Variants in PCSK6 observed in about 807,000 individuals in gnomAD.
The protein encoded by PCSK6 is proprotein convertase subtilisin/kexin type 6.
Under a neutral mutation model 123.3 loss-of-function variants are expected in PCSK6, and 85 were observed. That is an observed-to-expected ratio of 0.69 (90% confidence interval 0.58 to 0.83). The LOEUF (loss-of-function observed/expected upper bound fraction) is 0.83. Ranked by LOEUF, PCSK6 falls within the 40% of genes least tolerant of loss-of-function variation. The probability of loss-of-function intolerance (pLI) is 0.00; values close to 1 mark genes in which losing one functional copy is unlikely to be tolerated. For missense variants in PCSK6, 1,191 were observed against 1,282.3 expected, an observed-to-expected ratio of 0.93 and a Z score of 1.09; for synonymous variants, 508 against 516.0, an observed-to-expected ratio of 0.98 and a Z score of 0.21.
chr15:101,408,769 G>A (rs976432413), intron 6 of PCSK6, among the ~76,000 whole-genome samples: 28 of 152,146 alleles, frequency 1.8e-4, no homozygotes, highest in Admixed American at 1.4e-3. Context: ...ATGCTCACAG[G>A]CCTAAACTGC....
At chr15:101,339,537 A>G (rs1027308376) in intron 13 of PCSK6, among the ~76,000 whole-genome samples, 17 of 152,144 alleles carry the variant, frequency 1.1e-4, no homozygotes, top group Non-Finnish European at 1.9e-4. Flanking sequence ...CATACTGAAT[A>G]CTCCTATAAT....
At chr15:101,483,754 G>A (rs2057949219) in intron 1 of PCSK6, among the ~76,000 whole-genome samples, 1 of 152,266 alleles carries the variant, frequency 6.6e-6, no homozygotes, top group Non-Finnish European at 1.5e-5. Flanking sequence ...GAAGGGAAGG[G>A]TTCCTGGGCT....
intron 1 of PCSK6, among the ~76,000 whole-genome samples, chr15:101,453,355 T>C (rs895178591): frequency 3.3e-5 from 5 of 152,210 alleles, no homozygotes; most frequent in Non-Finnish European, 7.4e-5. Flanking sequence ...AGGCTGCCCC[T>C]GTGCAGCTGA....
chr15:101,350,261 T>C (rs922989591), intron 13 of PCSK6, among the ~76,000 whole-genome samples: 1 of 152,184 alleles, frequency 6.6e-6, no homozygotes, highest in Admixed American at 6.5e-5. Flanking sequence ...TGTTTACTGG[T>C]TATTTGTATG....
chr15:101,457,368 G>A (rs2057213360), intron 1 of PCSK6, among the ~76,000 whole-genome samples: 1 of 152,108 alleles, frequency 6.6e-6, no homozygotes, highest in Non-Finnish European at 1.5e-5. Context: ...GCATTTCCTT[G>A]CCCAAGGTTT....
intron 6 of PCSK6, among the ~76,000 whole-genome samples, chr15:101,411,193 G>T (rs1212972350): frequency 6.6e-6 from 1 of 152,202 alleles, no homozygotes; most frequent in Admixed American, 6.5e-5. Flanking sequence ...GGACTTCTGA[G>T]TGGGGAACAA....
At position 101,384,309 on chromosome 15, in the gene PCSK6, G is replaced by A. The variant is rs200313361; in HGVS notation, c.1414+13C>T. 198 of 1,612,040 alleles carry A rather than the reference G, an allele frequency of 1.2e-4. No individual in the cohort carries two copies. Among genetic ancestry groups the A allele is most frequent in the Non-Finnish European group, 1.5e-4 (179 of 1,178,694 alleles). On this transcript the variant is annotated intron_variant, in intron 10 of 21. Coordinates refer to ENST00000611716, the MANE Select transcript of PCSK6 (RefSeq NM_002570.5). ...GGGCCACCCAATGGTCCACCAGAAC[G>A]CCACTGCCGCACCTTTATGACCCGC...
rs989469324 is a variant in PCSK6 at position 101,319,403 on chromosome 15, G to GA, written c.2466-982dup. Among the ~76,000 whole-genome samples, 265 of 145,954 alleles carry GA rather than the reference G, an allele frequency of 1.8e-3. 1 individual carries two copies. The highest frequency in any genetic ancestry group is 6.2e-3 in the African/African-American group (246 of 39,810). ...AATAAGAAATATGTGAAGAGAAAAA[G>GA]AAAAAAAAAAGGAAATATATGTTCG... On this transcript the variant is annotated intron_variant, in intron 18 of 21. Coordinates refer to ENST00000611716, the MANE Select transcript of PCSK6 (RefSeq NM_002570.5).
intron 18 of PCSK6, among the ~76,000 whole-genome samples, chr15:101,320,628 C>T (rs538656220): frequency 5.9e-5 from 9 of 152,302 alleles, no homozygotes; most frequent in South Asian, 4.1e-4. Context: ...CTTCATGGTG[C>T]CATGCCCACT....
At chr15:101,434,582 G>A (rs1472034233) in intron 2 of PCSK6, among the ~76,000 whole-genome samples, 1 of 152,254 alleles carries the variant, frequency 6.6e-6, no homozygotes, top group Non-Finnish European at 1.5e-5. Flanking sequence ...GTGATAGCCT[G>A]CGGCCCGCAG....
chr15:101,339,174 T>C (rs1002567615), intron 13 of PCSK6, among the ~76,000 whole-genome samples: 9 of 152,320 alleles, frequency 5.9e-5, no homozygotes, highest in Admixed American at 5.2e-4. Flanking sequence ...AAAGTTCTAT[T>C]AGATTAAGGA....
intron 6 of PCSK6, among the ~76,000 whole-genome samples, chr15:101,406,549 A>G (rs2042787419): frequency 6.6e-6 from 1 of 152,070 alleles, no homozygotes; most frequent in Non-Finnish European, 1.5e-5. Flanking sequence ...CTGTTCTATG[A>G]GCAGCCATTC....
chr15:101,360,225 C>T lies in PCSK6; in HGVS notation c.1858+5971G>A, dbSNP rs59255047. 9.1e-3 allele frequency among the ~76,000 whole-genome samples: 1,386 copies of T among 152,278 alleles called. 25 individuals are homozygous for T. The highest frequency in any genetic ancestry group is 0.031 in the African/African-American group (1,279 of 41,540). Reference sequence around the variant, plus strand: ...GCAATGACCTTCTAACTGGCTTCCCCGCCTTTGTTCCTCTCCCACCCTCAC... The same window carrying T: ...GCAATGACCTTCTAACTGGCTTCCCTGCCTTTGTTCCTCTCCCACCCTCAC... On this transcript the variant is annotated intron_variant, in intron 13 of 21. Transcript: ENST00000611716.
At position 101,435,330 on chromosome 15, in the gene PCSK6, G is replaced by A. The variant is rs560618397; in HGVS notation, c.403-3230C>T. 1.1e-3 allele frequency among the ~76,000 whole-genome samples: 168 copies of A among 151,974 alleles called. 1 individual carries two copies. Among genetic ancestry groups the A allele is most frequent in the Middle Eastern group, 6.8e-3 (2 of 294 alleles). ...TGTCTCAAAAAAAAAAAGAAAGAAA[G>A]AAAGAAAGAAAGAAAATGTGATTAG... On this transcript the variant is annotated intron_variant, in intron 2 of 21. Coordinates refer to ENST00000611716, the MANE Select transcript of PCSK6 (RefSeq NM_002570.5).
At chr15:101,393,585 CTGTT>C (rs1318512062) in intron 7 of PCSK6, among the ~76,000 whole-genome samples, 161 bp from the exon 8 acceptor site, 1 of 152,176 alleles carries the variant, frequency 6.6e-6, no homozygotes, top group Non-Finnish European at 1.5e-5. Context: ...TTTGGGGGCT[CTGTT>C]TGGATTTTAA....
intron 20 of PCSK6, chr15:101,308,931 C>T (rs1481056253): frequency 1.3e-5 from 2 of 152,340 alleles, no homozygotes; most frequent in African/African-American, 4.8e-5. Context: ...GCCCAGTGCC[C>T]CCAGGCCACG....
chr15:101,374,017 G>A (rs1322801943), intron 11 of PCSK6, among the ~76,000 whole-genome samples: 1 of 152,182 alleles, frequency 6.6e-6, no homozygotes, highest in Non-Finnish European at 1.5e-5. Flanking sequence ...AGTCCACGGA[G>A]TTAAATGATC....
At chr15:101,415,846 TAAG>T (rs1234590241) in intron 6 of PCSK6, among the ~76,000 whole-genome samples, 4 of 152,230 alleles carry the variant, frequency 2.6e-5, no homozygotes, top group Non-Finnish European at 5.9e-5. Context: ...CACCACCATA[TAAG>T]AAGTGGCTTT....
chr15:101,410,672 G>A (rs2042920016), intron 6 of PCSK6, among the ~76,000 whole-genome samples: 1 of 152,234 alleles, frequency 6.6e-6, no homozygotes, highest in African/African-American at 2.4e-5. Flanking sequence ...TGGCCACTGG[G>A]CTTGGTGGCA....
Sources: gnomAD v4.1 joint callset for allele counts (sites outside exome capture counted in the v4.1 genomes callset) on GRCh38, gnomAD v4.1.1 for gene constraint, MANE v1.5 for transcripts, NCBI Gene and HGNC (gene_info 2026-07-23, HGNC 2026-07-21) for gene names.